CFAP61: variants seen among roughly 807,000 people sequenced by gnomAD.
CFAP61 encodes the protein cilia and flagella associated protein 61.
In CFAP61, 107 loss-of-function variants were observed where a neutral mutation model predicts 135.6. The ratio of observed to expected loss-of-function variants is 0.79; its 90% confidence interval spans 0.67 to 0.93. The LOEUF is 0.93. CFAP61 is among the 40% of genes least tolerant of loss of function. The pLI is 0.00. For synonymous variants in CFAP61, 575 were observed against 578.5 expected (o/e 0.99, Z 0.09); for missense variants, 1,507 against 1,556.2 (o/e 0.97, Z 0.53).
intron 2 of CFAP61, among the ~76,000 whole-genome samples, chr20:20,059,924 G>A (rs1422627997): frequency 1.3e-5 from 2 of 152,244 alleles, no homozygotes; most frequent in Admixed American, 6.5e-5. Flanking sequence ...ATGGCTGAGA[G>A]TTTTTCAGAA....
At chr20:20,292,631 C>T (rs941151944) in intron 24 of CFAP61, among the ~76,000 whole-genome samples, 4 of 152,112 alleles carry the variant, frequency 2.6e-5, no homozygotes, top group African/African-American at 9.7e-5. Context: ...TTTACTAAAT[C>T]CGAAAGCTTG....
At chr20:20,226,444 A>T (rs2048740829) in intron 17 of CFAP61, among the ~76,000 whole-genome samples, 1 of 152,236 alleles carries the variant, frequency 6.6e-6, no homozygotes, top group Non-Finnish European at 1.5e-5. Context: ...CATGAGCCAG[A>T]ATAAGTGACA....
intron 17 of CFAP61, among the ~76,000 whole-genome samples, chr20:20,216,352 C>T (rs2048035041): frequency 2.0e-5 from 3 of 152,206 alleles, no homozygotes; most frequent in African/African-American, 7.2e-5. Context: ...GTGCAATATG[C>T]TTGCCTAGTC....
chr20:20,085,097 C>T (rs1015319420), intron 6 of CFAP61: 3 of 985,282 alleles, frequency 3.0e-6, no homozygotes, highest in African/African-American at 1.7e-5. Context: ...TTCCGTTGCA[C>T]TCTGTGCTGA....
At chr20:20,345,776 G>A (rs925380569) in intron 26 of CFAP61, among the ~76,000 whole-genome samples, 2 of 149,926 alleles carry the variant, frequency 1.3e-5, no homozygotes, top group Non-Finnish European at 3.0e-5. Flanking sequence ...CAAAAAATTA[G>A]CCAGGCATGA....
intron 21 of CFAP61, among the ~76,000 whole-genome samples, chr20:20,272,764 C>T (rs2053457448): frequency 6.6e-6 from 1 of 152,196 alleles, no homozygotes; most frequent in East Asian, 1.9e-4. Context: ...CTCTGAGGCA[C>T]CTACTGTTTG....
chr20:20,288,931 T>G lies in CFAP61; in HGVS notation c.3119T>G (p.Ile1040Ser). 2 of 1,605,628 alleles carry G rather than the reference T, an allele frequency of 1.2e-6. No individual in the cohort carries two copies. Among genetic ancestry groups the G allele is most frequent in the Non-Finnish European group, 1.7e-6 (2 of 1,172,928 alleles). ...RLIPMYKGAK[I>S]QGGILPGSYH... is the part of the protein sequence containing the mutation. Reference sequence around the variant, plus strand: ...ATCCCCATGTACAAGGGAGCCAAGATTCAAGGTATACGAGTAGGCTTCCTT... The same window carrying G: ...ATCCCCATGTACAAGGGAGCCAAGAGTCAAGGTATACGAGTAGGCTTCCTT... Residue 1040 changes from isoleucine to serine, a missense_variant, in exon 23 of 27, where the codon ATT (isoleucine) becomes AGT (serine). By Grantham distance (142) the Ile-to-Ser change is moderately radical. Coordinates refer to ENST00000245957, the MANE Select transcript of CFAP61 (RefSeq NM_015585.4).
At chr20:20,247,124 C>T (rs897483415) in intron 19 of CFAP61, among the ~76,000 whole-genome samples, 2 of 152,098 alleles carry the variant, frequency 1.3e-5, no homozygotes, top group Admixed American at 6.6e-5. Flanking sequence ...TTTTTGATCA[C>T]GAGCAGTACA....
intron 7 of CFAP61, among the ~76,000 whole-genome samples, chr20:20,096,156 AT>A (rs555262859): frequency 4.2e-4 from 64 of 150,646 alleles, no homozygotes; most frequent in Non-Finnish European, 6.2e-4. Flanking sequence ...CATTAAATCC[AT>A]TTTTTTTTCA....
intron 25 of CFAP61, among the ~76,000 whole-genome samples, chr20:20,302,221 A>C (rs766436890): frequency 4.6e-5 from 7 of 152,214 alleles, no homozygotes; most frequent in Non-Finnish European, 7.3e-5. Flanking sequence ...GTATTCTGAA[A>C]GTTTTGAATA....
intron 26 of CFAP61, among the ~76,000 whole-genome samples, chr20:20,354,958 A>C (rs1363467978): frequency 1.1e-4 from 3 of 27,122 alleles, no homozygotes; most frequent in East Asian, 3.4e-3. Flanking sequence ...CACTGAGGGG[A>C]AGTGGTCACA....
intron 6 of CFAP61, among the ~76,000 whole-genome samples, chr20:20,080,399 T>C (rs998646766): frequency 1.3e-5 from 2 of 152,204 alleles, no homozygotes; most frequent in African/African-American, 4.8e-5. Flanking sequence ...ATACAATTCA[T>C]TTAGCTCTTG....
intron 25 of CFAP61, among the ~76,000 whole-genome samples, chr20:20,340,140 T>C (rs949529372): frequency 6.6e-6 from 1 of 152,222 alleles, no homozygotes; most frequent in African/African-American, 2.4e-5. Flanking sequence ...CATGGGCACC[T>C]GGAGTGCACA....
chr20:20,123,776 T>C (rs1478702347), intron 8 of CFAP61, among the ~76,000 whole-genome samples: 1 of 151,522 alleles, frequency 6.6e-6, no homozygotes, highest in Non-Finnish European at 1.5e-5. Flanking sequence ...AGAATGATGG[T>C]GGTATTTTGA....
At chr20:20,200,018 G>T in intron 17 of CFAP61, 116 bp downstream of exon 17, 1 of 1,231,602 alleles carries the variant, frequency 8.1e-7, no homozygotes, top group Non-Finnish European at 1.2e-6. Flanking sequence ...AGGGAACCTG[G>T]TGCTCATACC....
rs1171884761 is a variant in CFAP61 at position 20,320,435 on chromosome 20, A to ATGTAATATATATTATATATGTAAT, written c.3423-21396_3423-21395insTGTAATATATATTATATATGTAAT. ...GTAATATATATTATATATGTAATATAATATATGTAATATATATTATATATG... is the reference window on the plus strand; with the variant it reads ...GTAATATATATTATATATGTAATATATGTAATATATATTATATATGTAATATATATGTAATATATATTATATATG... On this transcript the variant is annotated intron_variant, in intron 25 of 26. Coordinates refer to ENST00000245957, the MANE Select transcript of CFAP61 (RefSeq NM_015585.4). Among the ~76,000 whole-genome samples, 28 of 105,534 alleles carry ATGTAATATATATTATATATGTAAT rather than the reference A, an allele frequency of 2.7e-4. 2 individuals are homozygous for ATGTAATATATATTATATATGTAAT. The highest frequency in any genetic ancestry group is 2.1e-3 in the Admixed American group (21 of 10,106). The allele number at this position is 105,534 out of a possible 152,430, so 69.2% of individuals were successfully genotyped here. A position where few individuals can be genotyped will look rare whatever the true frequency, so the allele number is the denominator to read the frequency against.
At chr20:20,196,280 A>G (rs778449675) in intron 15 of CFAP61, among the ~76,000 whole-genome samples, 3 of 152,126 alleles carry the variant, frequency 2.0e-5, no homozygotes, top group Non-Finnish European at 2.9e-5. Flanking sequence ...CCGCTTGGCC[A>G]ATGGCACAGA....
At chr20:20,184,816 G>A (rs1044318467) in intron 13 of CFAP61, among the ~76,000 whole-genome samples, 2 of 152,116 alleles carry the variant, frequency 1.3e-5, no homozygotes, top group Non-Finnish European at 2.9e-5. Flanking sequence ...AAGAACTTCT[G>A]ATGAAGTAGG....
chr20:20,219,183 A>C (rs748685935), intron 17 of CFAP61, among the ~76,000 whole-genome samples: 6 of 152,026 alleles, frequency 3.9e-5, no homozygotes, highest in Non-Finnish European at 7.4e-5. Flanking sequence ...AAACTTACCC[A>C]CTCTGTCTAG....
Sources: gnomAD v4.1 joint callset for allele counts (sites outside exome capture counted in the v4.1 genomes callset) on GRCh38, gnomAD v4.1.1 for gene constraint, MANE v1.5 for transcripts, NCBI Gene and HGNC (gene_info 2026-07-23, HGNC 2026-07-21) for gene names.